Variants in CSGALNACT1 observed in about 807,000 individuals in gnomAD.
The protein encoded by CSGALNACT1 is chondroitin sulfate N-acetylgalactosaminyltransferase 1.
Under a neutral mutation model 51.0 loss-of-function variants are expected in CSGALNACT1, and 52 were observed. That is an observed-to-expected ratio of 1.02 (90% CI 0.82 to 1.29). The LOEUF is 1.29. CSGALNACT1 is among the 50% of genes most tolerant of loss of function. The probability of loss-of-function intolerance (pLI) is 0.00; values close to 1 mark genes in which losing one functional copy is unlikely to be tolerated. For missense variants in CSGALNACT1, 935 were observed against 679.2 expected, an observed-to-expected ratio of 1.38 and a Z score of -4.19; for synonymous variants, 341 against 254.4, an observed-to-expected ratio of 1.34 and a Z score of -3.24.
At chr8:19,654,484 T>C (rs927473145) in intron 1 of CSGALNACT1, among the ~76,000 whole-genome samples, 1 of 152,128 alleles carries the variant, frequency 6.6e-6, no homozygotes, top group Non-Finnish European at 1.5e-5. Context: ...CAGGATAAAT[T>C]ATGTTTTCCT....
upstream of CSGALNACT1, among the ~76,000 whole-genome samples, chr8:19,683,698 T>C (rs1287448524): frequency 6.6e-6 from 1 of 152,230 alleles, no homozygotes; most frequent in Admixed American, 6.5e-5. Flanking sequence ...AAAATTTATG[T>C]AAAATGAATA....
intron 4 of CSGALNACT1, among the ~76,000 whole-genome samples, chr8:19,473,005 T>G (rs1324546185): frequency 6.6e-6 from 1 of 152,200 alleles, no homozygotes; most frequent in Admixed American, 6.5e-5. Context: ...TCTACTTTGT[T>G]CCATCAATCA....
intron 2 of CSGALNACT1, among the ~76,000 whole-genome samples, chr8:19,592,445 A>C (rs779241389): frequency 1.6e-4 from 24 of 152,258 alleles, no homozygotes; most frequent in Non-Finnish European, 2.8e-4. Context: ...ACAAAGAGAC[A>C]AATAGCATGG....
At chr8:19,701,163 T>G (rs996858460) in intron 1 of CSGALNACT1, among the ~76,000 whole-genome samples, 6 of 143,432 alleles carry the variant, frequency 4.2e-5, no homozygotes, top group Non-Finnish European at 9.2e-5. Context: ...GTTTTTTTTT[T>G]TTTTTTTTTT....
chr8:19,436,954 T>C (rs1420903761), intron 6 of CSGALNACT1, among the ~76,000 whole-genome samples: 1 of 152,196 alleles, frequency 6.6e-6, no homozygotes, highest in Non-Finnish European at 1.5e-5. Context: ...ATTTACTATA[T>C]ACCTGGCATT....
intron 1 of CSGALNACT1, among the ~76,000 whole-genome samples, chr8:19,656,042 G>C (rs375633985): frequency 6.6e-6 from 1 of 152,096 alleles, no homozygotes; most frequent in African/African-American, 2.4e-5. Flanking sequence ...AGAATGGAAG[G>C]GGGTACATCA....
At chr8:19,590,309 T>C (rs1451566956) in intron 3 of CSGALNACT1, among the ~76,000 whole-genome samples, 3 of 152,226 alleles carry the variant, frequency 2.0e-5, no homozygotes, top group Non-Finnish European at 2.9e-5. Flanking sequence ...ATTTTAACTT[T>C]GTGGCAGAAC....
chr8:19,513,131 C>A (rs943242036), intron 3 of CSGALNACT1, among the ~76,000 whole-genome samples: 1 of 152,024 alleles, frequency 6.6e-6, no homozygotes, highest in African/African-American at 2.4e-5. Context: ...TATCTCAAAT[C>A]AGTTCTTGCA....
intron 1 of CSGALNACT1, among the ~76,000 whole-genome samples, chr8:19,664,162 G>C (rs1199281486): frequency 6.6e-6 from 1 of 152,102 alleles, no homozygotes; most frequent in Non-Finnish European, 1.5e-5. Context: ...ATGTTCCTTA[G>C]ACTCACATTT....
chr8:19,721,930 G>C (rs1030186008), intron 1 of CSGALNACT1, among the ~76,000 whole-genome samples: 1 of 152,058 alleles, frequency 6.6e-6, no homozygotes, highest in African/African-American at 2.4e-5. Flanking sequence ...CCAATGTAAA[G>C]ATTCAAATCT....
intron 3 of CSGALNACT1, among the ~76,000 whole-genome samples, chr8:19,516,611 T>C (rs1481455450): frequency 6.6e-6 from 1 of 152,158 alleles, no homozygotes; most frequent in African/African-American, 2.4e-5. Flanking sequence ...ATAATCCCCA[T>C]CCCGGTGTGA....
rs28580167 is a variant in CSGALNACT1 at position 19,731,117 on chromosome 8, A to G, written c.-297+26733T>C. 4.3e-3 allele frequency among the ~76,000 whole-genome samples: 654 copies of G among 152,288 alleles called. 7 individuals are homozygous for G. The highest frequency in any genetic ancestry group is 0.015 in the African/African-American group (620 of 41,554). Reference sequence around the variant, plus strand: ...TGGCTGTTTCCTGACATATCATCTTACAACCTAAAACCTGAGAAACTTGTG... The same window carrying G: ...TGGCTGTTTCCTGACATATCATCTTGCAACCTAAAACCTGAGAAACTTGTG... On this transcript the variant is annotated intron_variant, in intron 1 of 1. Coordinates refer to the CSGALNACT1 transcript ENST00000517494.
At chr8:19,504,721 T>G (rs2076988167) in intron 4 of CSGALNACT1, among the ~76,000 whole-genome samples, 1 of 152,220 alleles carries the variant, frequency 6.6e-6, no homozygotes, top group African/African-American at 2.4e-5. Context: ...GCTGAGCAAC[T>G]TTAGCTATTT....
At position 19,661,661 on chromosome 8, in the gene CSGALNACT1, G is replaced by C. The variant is rs558046171; in HGVS notation, c.-544+20812C>G. Among the ~76,000 whole-genome samples, 5 of 152,278 alleles carry C rather than the reference G, an allele frequency of 3.3e-5. No homozygotes were observed. The East Asian group carries it at 9.6e-4, about 29-fold the overall frequency. On this transcript the variant is annotated intron_variant, in intron 1 of 9. Coordinates refer to the CSGALNACT1 transcript ENST00000332246. Reference sequence around the variant, plus strand: ...CTTCATTCATGATCATCTATGCCATGCTCTTTATGACAATGGGACAAGCAC... The same window carrying C: ...CTTCATTCATGATCATCTATGCCATCCTCTTTATGACAATGGGACAAGCAC...
chr8:19,461,192 A>C (rs1385635658), intron 4 of CSGALNACT1, among the ~76,000 whole-genome samples: 1 of 152,238 alleles, frequency 6.6e-6, no homozygotes, highest in African/African-American at 2.4e-5. Flanking sequence ...AAGCCATGGA[A>C]GAAAAGAAGG....
chr8:19,434,262 T>A (rs1027935361), intron 6 of CSGALNACT1, among the ~76,000 whole-genome samples: 1 of 152,238 alleles, frequency 6.6e-6, no homozygotes, highest in Non-Finnish European at 1.5e-5. Flanking sequence ...CATGCACTAA[T>A]ATCATTTAAT....
intron 3 of CSGALNACT1, among the ~76,000 whole-genome samples, chr8:19,526,488 C>A (rs1587842070): frequency 6.6e-6 from 1 of 152,232 alleles, no homozygotes; most frequent in Non-Finnish European, 1.5e-5. Context: ...GAGACCGAGG[C>A]AGGATAATCA....
chr8:19,652,368 G>A (rs1203280200), intron 1 of CSGALNACT1, among the ~76,000 whole-genome samples: 1 of 152,158 alleles, frequency 6.6e-6, no homozygotes, highest in East Asian at 1.9e-4. Flanking sequence ...AACTTTATGT[G>A]ACAGTATATA....
At chr8:19,532,791 G>A (rs546223181) in intron 3 of CSGALNACT1, among the ~76,000 whole-genome samples, 9 of 151,864 alleles carry the variant, frequency 5.9e-5, no homozygotes, top group South Asian at 2.1e-4. Context: ...AGAGCGAGGA[G>A]TCACCTAAAA....
Sources: allele counts gnomAD v4.1 joint callset (sites outside exome capture counted in the v4.1 genomes callset), GRCh38; gene constraint gnomAD v4.1.1; transcripts MANE v1.5; gene names NCBI Gene and HGNC (gene_info 2026-07-23, HGNC 2026-07-21).